Variants in ACSM2A observed in about 807,000 individuals in gnomAD.
The protein encoded by ACSM2A is acyl-CoA synthetase medium chain family member 2A, also known as acyl-coenzyme A synthetase ACSM2A, mitochondrial.
A neutral mutation model predicts 76.6 loss-of-function variants in ACSM2A; 72 were observed. The observed-to-expected ratio is 0.94, with a 90% CI of 0.78 to 1.14. ACSM2A has a LOEUF of 1.14. ACSM2A is among the 50% of genes most tolerant of loss of function. The pLI is 0.00. For synonymous variants in ACSM2A, 249 were observed against 255.9 expected, an observed-to-expected ratio of 0.97 and a Z score of 0.26; for missense variants, 684 against 708.5, an observed-to-expected ratio of 0.97 and a Z score of 0.39.
rs1264113091 is a variant in ACSM2A at position 20,483,161 on chromosome 16, A to G, written c.1613A>G (p.Tyr538Cys). 6.2e-7 allele frequency: 1 copy of G among 1,614,024 alleles called. No individual in the cohort carries two copies. Residue 538 changes from tyrosine to cysteine, a missense_variant, in exon 13 of 14, where the codon TAC (tyrosine) becomes TGC (cysteine). Coordinates refer to ENST00000573854, the MANE Select transcript of ACSM2A (RefSeq NM_001308172.2). ...CATGTGAAGTCAGTGACAGCCCCAT[A>G]CAAGTACCCAAGAAAGGTAAGGCCT... ...QQHVKSVTAP[Y>C]KYPRKIEFVL...
Position 20,469,496 on chromosome 16 carries a change from T to C in ACSM2A, c.389-16T>C, listed in dbSNP as rs28615302. 0.32 allele frequency: 513,015 copies of C among 1,609,446 alleles called. 90,369 individuals are homozygous for C. The highest frequency in any genetic ancestry group is 0.81 in the East Asian group (36,018 of 44,734). On this transcript the variant is annotated splice_polypyrimidine_tract_variant and intron_variant, in intron 3 of 13. Coordinates refer to ENST00000573854, the MANE Select transcript of ACSM2A (RefSeq NM_001308172.2). ...AAATCATCCTTTCCAATTCTCTAAATTGTTGGCTTCTTTAGGTCTCATCTT... is the reference window on the plus strand; with the variant it reads ...AAATCATCCTTTCCAATTCTCTAAACTGTTGGCTTCTTTAGGTCTCATCTT...
At chr16:20,461,069 G>T (rs2012591448) in intron 2 of ACSM2A, among the ~76,000 whole-genome samples, 1 of 143,260 alleles carries the variant, frequency 7.0e-6, no homozygotes, top group South Asian at 2.4e-4. Context: ...TCCATCAATT[G>T]CCTTCACCTG....
At chr16:20,452,559 T>C in intron 1 of ACSM2A, 1 of 122,038 alleles carries the variant, frequency 8.2e-6, no homozygotes, top group Non-Finnish European at 1.6e-5. Flanking sequence ...AACTCATATA[T>C]ATGCTTATAT....
intron 3 of ACSM2A, among the ~76,000 whole-genome samples, chr16:20,466,318 T>C (rs950160360): frequency 6.6e-6 from 1 of 152,126 alleles, no homozygotes; most frequent in Non-Finnish European, 1.5e-5. Flanking sequence ...ATGGAAGTGA[T>C]ATTTGAGCTG....
At chr16:20,482,859 G>A in intron 12 of ACSM2A, 199 bp from the exon 13 acceptor site, 1 of 706,406 alleles carries the variant, frequency 1.4e-6, no homozygotes. Flanking sequence ...TTGTCCACCT[G>A]CTCCTCCAAT....
Position 20,486,780 on chromosome 16 carries a change from A to T in ACSM2A, c.*102A>T, listed in dbSNP as rs1212565334. The T allele has an allele frequency of 2.2e-6, 3 of 1,383,852 alleles. No individual in the cohort carries two copies. The highest frequency in any genetic ancestry group is 2.9e-5 in the African/African-American group (2 of 69,124). 85.7% of individuals were successfully genotyped at this position (1,383,852 alleles called of 1,614,324 possible). A position where few individuals can be genotyped will look rare whatever the true frequency, so the allele number is the denominator to read the frequency against. On this transcript the variant is annotated 3_prime_UTR_variant, in exon 14 of 14. Coordinates refer to ENST00000573854, the MANE Select transcript of ACSM2A (RefSeq NM_001308172.2). ...ATTATATGAGATTCTTTATGGAAGAACATGAATATAAGTTTTGTCTTGCCT... is the reference window on the plus strand; with the variant it reads ...ATTATATGAGATTCTTTATGGAAGATCATGAATATAAGTTTTGTCTTGCCT...
At chr16:20,454,339 A>T (rs1476332704) in intron 1 of ACSM2A, among the ~76,000 whole-genome samples, 31 of 151,930 alleles carry the variant, frequency 2.0e-4, no homozygotes, top group Non-Finnish European at 3.7e-4. Flanking sequence ...GAGGTATGGG[A>T]GGACACTGGT....
chr16:20,470,831 CAG>C (rs1567366440), intron 4 of ACSM2A: 6 of 680,666 alleles, frequency 8.8e-6, no homozygotes, highest in Non-Finnish European at 1.3e-5. Flanking sequence ...AAGTCAGACA[CAG>C]AGACGTTAAA....
chr16:20,486,629 A>C lies in ACSM2A; in HGVS notation c.1685A>C (p.Lys562Thr). The C allele has an allele frequency of 6.2e-7, 1 of 1,614,196 alleles. No individual in the cohort carries two copies. The highest frequency in any genetic ancestry group is 8.5e-7 in the Non-Finnish European group (1 of 1,180,016). Reference protein sequence around the residue: ...KTVTGKIQRAKLRDKEWKMSG... With the variant: ...KTVTGKIQRATLRDKEWKMSG... ...GTCACAGGGAAAATTCAACGAGCCAAGCTTCGAGACAAGGAGTGGAAGATG... is the reference window on the plus strand; with the variant it reads ...GTCACAGGGAAAATTCAACGAGCCACGCTTCGAGACAAGGAGTGGAAGATG... Residue 562 changes from lysine (K) to threonine (T), a missense_variant, in exon 14 of 14, where the codon AAG (lysine) becomes ACG (threonine). Lys to Thr is a moderately conservative substitution (Grantham distance 78). This residue lies in a region of ACSM2A where 159 missense variants were observed against 132.5 expected (regional missense o/e 1.20). Transcript: ENST00000573854.
rs888943022 is a variant in ACSM2A, at chr16:20,486,970, A to G, written c.*292A>G. The stretch of plus-strand genomic sequence containing the variant: ...AATTGAAAAAGAAATAAAGTAGGGA[A>G]AGAAGGAGAGAGGAAGCAAGGGAAG... On this transcript the variant is annotated 3_prime_UTR_variant, in exon 14 of 14. Coordinates refer to ENST00000573854, the MANE Select transcript of ACSM2A (RefSeq NM_001308172.2). 2.7e-5 allele frequency: 7 copies of G among 262,210 alleles called. No individual in the cohort carries two copies. The highest frequency in any genetic ancestry group is 6.7e-5 in the African/African-American group (3 of 45,034). 16.2% of individuals were successfully genotyped at this position (262,210 alleles called of 1,614,324 possible).
Position 20,469,548 on chromosome 16 carries a change from C to T in ACSM2A, c.425C>T (p.Ser142Phe), listed in dbSNP as rs757751055. Residue 142 changes from serine (S) to phenylalanine (F), a missense_variant, in exon 4 of 14, where the codon TCC becomes TTC. Physicochemically the swap from Ser to Phe is radical, Grantham distance 155 (BLOSUM62 -2). This residue lies in a region of ACSM2A where 519 missense variants were observed against 549.5 expected (regional missense o/e 0.94). Coordinates refer to ENST00000573854, the MANE Select transcript of ACSM2A (RefSeq NM_001308172.2). ...IFMPGTIQMK[S>F]TDILYRLQMS... ...ATGCCTGGAACCATCCAGATGAAAT[C>T]CACTGACATACTGTATAGGTTGCAG... 5 of 1,613,582 alleles carry T rather than the reference C, an allele frequency of 3.1e-6. No individual in the cohort carries two copies. In the African/African-American group the frequency reaches 4.0e-5, roughly 13 times the overall value.
At chr16:20,454,357 G>A (rs534525270) in intron 1 of ACSM2A, among the ~76,000 whole-genome samples, 2 of 152,040 alleles carry the variant, frequency 1.3e-5, no homozygotes, top group South Asian at 4.2e-4. Context: ...GGTGAAGCTG[G>A]GGTCACTGAC....
rs184954000 is a variant in ACSM2A at position 20,482,623 on chromosome 16, G to C, written c.1510-435G>C. 1.0e-4 allele frequency: 17 copies of C among 165,046 alleles called. No homozygotes were observed. In the East Asian group the frequency reaches 2.6e-3, roughly 25 times the overall value. 10.2% of individuals were successfully genotyped at this position (165,046 alleles called of 1,614,324 possible). A position where few individuals can be genotyped will look rare whatever the true frequency, so the allele number is the denominator to read the frequency against. On this transcript the variant is annotated intron_variant, in intron 12 of 13. Coordinates refer to ENST00000573854, the MANE Select transcript of ACSM2A (RefSeq NM_001308172.2). ...CTGCTGAGAAAATCCTGTGTGCCCAGCTCTGAGCTAGCCCTGCTGTATATG... is the reference window on the plus strand; with the variant it reads ...CTGCTGAGAAAATCCTGTGTGCCCACCTCTGAGCTAGCCCTGCTGTATATG...
Position 20,486,131 on chromosome 16 carries a change from C to T in ACSM2A, c.1630-443C>T, listed in dbSNP as rs923650007. Among the ~76,000 whole-genome samples, 6 of 152,334 alleles carry T rather than the reference C, an allele frequency of 3.9e-5. No individual in the cohort carries two copies. In the East Asian group the frequency reaches 7.7e-4, roughly 20 times the overall value. On this transcript the variant is annotated intron_variant, in intron 13 of 13. Coordinates refer to ENST00000573854, the MANE Select transcript of ACSM2A (RefSeq NM_001308172.2). ...AGCTAATATTTTTCAGTGGTTACTC[C>T]ATGCCAGTAACTTAGCCTTCATAAT...
At chr16:20,476,889 T>C (rs2013767339) in intron 8 of ACSM2A, 2 of 205,450 alleles carry the variant, frequency 9.7e-6, no homozygotes, top group Non-Finnish European at 1.7e-5. Context: ...CTTGAGGAAA[T>C]GGATACTTCA....
intron 12 of ACSM2A, chr16:20,481,145 T>C (rs550453590): frequency 1.2e-5 from 7 of 584,302 alleles, no homozygotes; most frequent in South Asian, 2.3e-5. Flanking sequence ...GTGCTAATAT[T>C]TGTAAAGTAC....
At chr16:20,485,458 G>T (rs767924900) in intron 13 of ACSM2A, among the ~76,000 whole-genome samples, 2 of 152,160 alleles carry the variant, frequency 1.3e-5, no homozygotes, top group Non-Finnish European at 2.9e-5. Context: ...ACCTCCTGTG[G>T]CTTTCATCCA....
chr16:20,456,949 C>G (rs555558250), intron 1 of ACSM2A, among the ~76,000 whole-genome samples: 1 of 149,832 alleles, frequency 6.7e-6, no homozygotes, highest in Non-Finnish European at 1.5e-5. Flanking sequence ...CAAATAAGCT[C>G]AATTAGAAAG....
At position 20,479,417 on chromosome 16, in the gene ACSM2A, C is replaced by T. The variant is rs138844507; in HGVS notation, c.1281+740C>T. Among the ~76,000 whole-genome samples the T allele has an allele frequency of 3.7e-3, 567 of 152,190 alleles. 2 individuals are homozygous for T. Among genetic ancestry groups the T allele is most frequent in the African/African-American group, 0.013 (538 of 41,508 alleles). On this transcript the variant is annotated intron_variant, in intron 10 of 13. Coordinates refer to ENST00000573854, the MANE Select transcript of ACSM2A (RefSeq NM_001308172.2). Reference sequence around the variant, plus strand: ...TAAACTTTAAACTCGTTTAATCCTCCCAGCCACCCTATAAAGTTTTTGGAC... The same window carrying T: ...TAAACTTTAAACTCGTTTAATCCTCTCAGCCACCCTATAAAGTTTTTGGAC...
Sources: gnomAD v4.1 joint callset for allele counts (sites outside exome capture counted in the v4.1 genomes callset) on GRCh38, gnomAD v4.1.1 for gene constraint, gnomAD v4.1.1 regional missense constraint, MANE v1.5 for transcripts, NCBI Gene and HGNC (gene_info 2026-07-23, HGNC 2026-07-21) for gene names.